RPS6KA3: variants seen among roughly 807,000 people sequenced by gnomAD.
The protein encoded by RPS6KA3 is ribosomal protein S6 kinase A3.
A neutral mutation model predicts 67.2 loss-of-function variants in RPS6KA3; 4 were observed. That is an observed-to-expected ratio of 0.06 (90% confidence interval 0.03 to 0.14). The LOEUF is 0.14. Among genes scored for constraint, RPS6KA3 ranks in the 10% least tolerant of loss-of-function variants. The pLI is 1.00. For synonymous variants in RPS6KA3, 182 were observed against 183.7 expected (o/e 0.99, Z 0.07); for missense variants, 204 against 559.0 (o/e 0.36, Z 6.40).
intron 2 of RPS6KA3, 59 bp downstream of exon 2, chrX:20,234,699 A>G (rs1228929396): frequency 2.3e-5 from 19 of 824,702 alleles, no homozygotes; most frequent in Non-Finnish European, 3.3e-5. Flanking sequence ...CTGAAAAATA[A>G]TAATAACTTT....
intron 1 of RPS6KA3, among the ~76,000 whole-genome samples, chrX:20,261,317 C>T (rs931526643): frequency 8.9e-6 from 1 of 111,828 alleles, no homozygotes; most frequent in African/African-American, 3.3e-5. Context: ...TTGAAATGTT[C>T]CCAACACACA....
chrX:20,180,422 A>G (rs952601971), intron 10 of RPS6KA3, among the ~76,000 whole-genome samples: 3 of 112,504 alleles, frequency 2.7e-5, no homozygotes, highest in Non-Finnish European at 3.8e-5. Flanking sequence ...ACTCCTAGGA[A>G]AAGACTAATT....
chrX:20,239,110 A>C (rs1395537096), intron 1 of RPS6KA3, among the ~76,000 whole-genome samples: 2 of 111,605 alleles, frequency 1.8e-5, no homozygotes, highest in African/African-American at 6.5e-5. Flanking sequence ...TCTGTCACTT[A>C]CTGGTGTAGT....
intron 2 of RPS6KA3, among the ~76,000 whole-genome samples, chrX:20,230,792 G>C (rs1298535055): frequency 9.0e-6 from 1 of 111,020 alleles, no homozygotes; most frequent in Admixed American, 9.6e-5. Context: ...ACACTCCTAA[G>C]ATGCTAAAAA....
chrX:20,232,552 A>C (rs1378697472), intron 2 of RPS6KA3, among the ~76,000 whole-genome samples: 1 of 111,451 alleles, frequency 9.0e-6, no homozygotes, highest in African/African-American at 3.3e-5. Context: ...AGCCTGGATG[A>C]CAGAGCAAGA....
chrX:20,179,679 A>G (rs1028663585), intron 10 of RPS6KA3, among the ~76,000 whole-genome samples: 1 of 106,866 alleles, frequency 9.4e-6, no homozygotes, highest in African/African-American at 3.3e-5. Flanking sequence ...AGAATTAAGT[A>G]TTTATTCTCT....
chrX:20,193,340 A>G, intron 7 of RPS6KA3, 147 bp downstream of exon 7: 1 of 390,342 alleles, frequency 2.6e-6, no homozygotes, highest in South Asian at 5.3e-5. Flanking sequence ...TGAGATTTTT[A>G]AAGTATGAAA....
chrX:20,225,245 T>G (rs868798152), intron 2 of RPS6KA3, among the ~76,000 whole-genome samples: 1,572 of 74,403 alleles, frequency 0.021, 40 homozygotes, highest in African/African-American at 0.073. Context: ...TTTTTTTTGT[T>G]TTTTTTTTTG....
chrX:20,211,288 T>G (rs1340619088), intron 2 of RPS6KA3, among the ~76,000 whole-genome samples: 2 of 111,292 alleles, frequency 1.8e-5, no homozygotes, highest in Non-Finnish European at 1.9e-5. Flanking sequence ...AAAAACAAAC[T>G]GGTCTGAATA....
intron 10 of RPS6KA3, among the ~76,000 whole-genome samples, chrX:20,185,677 A>G (rs1199315493): frequency 9.0e-6 from 1 of 111,703 alleles, no homozygotes; most frequent in Non-Finnish European, 1.9e-5. Flanking sequence ...TAAACCTTAT[A>G]CTTTACTTTT....
At chrX:20,254,620 T>C (rs1288189809) in intron 1 of RPS6KA3, among the ~76,000 whole-genome samples, 1 of 112,093 alleles carries the variant, frequency 8.9e-6, no homozygotes, top group African/African-American at 3.2e-5. Flanking sequence ...TGAGAAGAAA[T>C]ACATATACAA....
rs904139983 is a variant in RPS6KA3 at position 20,216,558 on chromosome X, AGAGAT to A, written c.127-7159_127-7155del. Among the ~76,000 whole-genome samples, 4 of 110,537 alleles carry A rather than the reference AGAGAT, an allele frequency of 3.6e-5. No individual in the cohort carries two copies. The Admixed American group carries it at 3.9e-4, about 11-fold the overall frequency. On this transcript the variant is annotated intron_variant, in intron 2 of 21. Coordinates refer to ENST00000379565, the MANE Select transcript of RPS6KA3 (RefSeq NM_004586.3). ...GAAGAAAAGATATTGAGTTGAGTAA[AGAGAT>A]GAGAATAGCAGATATGGAAAGGGGG...
chrX:20,192,264 C>A (rs766002705), intron 7 of RPS6KA3, among the ~76,000 whole-genome samples: 75 of 110,695 alleles, frequency 6.8e-4, no homozygotes, highest in African/African-American at 2.3e-3. Flanking sequence ...TACTATCAAA[C>A]CTGTGGGAAA....
intron 2 of RPS6KA3, chrX:20,219,025 G>A: frequency 2.5e-6 from 1 of 398,506 alleles, no homozygotes; most frequent in Non-Finnish European, 4.4e-6. Context: ...AAAGAAAGAA[G>A]AAACCTGCCG....
At chrX:20,215,807 G>T (rs1221459261) in intron 2 of RPS6KA3, among the ~76,000 whole-genome samples, 1 of 112,204 alleles carries the variant, frequency 8.9e-6, no homozygotes, top group Admixed American at 9.4e-5. Context: ...CAAGGGCAGT[G>T]ATAAGCCAAG....
rs766373129 is a variant in RPS6KA3, at chrX:20,240,486, C to T, written c.70-5672G>A. On this transcript the variant is annotated intron_variant, in intron 1 of 21. Transcript: ENST00000379565. ...AGATACCACCAAATTGTTCAGAATC[C>T]AAAGAATCTTCTATGCAATCACAAT... The T allele has an allele frequency of 3.4e-4, 122 of 356,611 alleles. No individual in the cohort carries two copies. The Middle Eastern group carries it at 9.5e-3, about 28-fold the overall frequency. 29.4% of individuals were successfully genotyped at this position (356,611 alleles called of 1,213,427 possible).
intron 2 of RPS6KA3, among the ~76,000 whole-genome samples, chrX:20,231,651 C>T (rs114167268): frequency 2.7e-5 from 3 of 111,893 alleles, no homozygotes; most frequent in South Asian, 3.8e-4. Context: ...TCCCCGGTAA[C>T]GGTGAATGTG....
intron 1 of RPS6KA3, among the ~76,000 whole-genome samples, chrX:20,256,776 C>G (rs1323599242): frequency 2.7e-5 from 3 of 111,900 alleles, no homozygotes; most frequent in Non-Finnish European, 5.6e-5. Context: ...ATGCCAGGAT[C>G]ACATCATCTC....
intron 3 of RPS6KA3, among the ~76,000 whole-genome samples, chrX:20,206,446 T>C (rs926075835): frequency 3.6e-5 from 4 of 111,788 alleles, no homozygotes; most frequent in Non-Finnish European, 7.5e-5. Context: ...ATACCAGATA[T>C]TATATGCTTG....
Sources: allele counts gnomAD v4.1 joint callset (sites outside exome capture counted in the v4.1 genomes callset), GRCh38; gene constraint gnomAD v4.1.1; transcripts MANE v1.5; gene names NCBI Gene and HGNC (gene_info 2026-07-23, HGNC 2026-07-21).